Variants in METTL23 observed in about 807,000 individuals in gnomAD.
METTL23 encodes methyltransferase 23, arginine, also known as histone-arginine methyltransferase METTL23.
In METTL23, 24 loss-of-function variants were observed where a neutral mutation model predicts 21.2. The observed-to-expected ratio is 1.13, with a 90% confidence interval of 0.82 to 1.59. The LOEUF is 1.59. Among genes scored for constraint, METTL23 ranks in the 40% most tolerant of loss-of-function variants. The pLI is 0.00. For synonymous variants in METTL23, 97 were observed against 75.2 expected (o/e 1.29, Z -1.50); for missense variants, 276 against 221.4 (o/e 1.25, Z -1.57).
At chr17:76,727,259 G>A (rs956589579) in intron 1 of METTL23, 81 bp downstream of exon 1, 2 of 348,162 alleles carry the variant, frequency 5.7e-6, no homozygotes, top group East Asian at 7.8e-5. Context: ...CTGAGGGACC[G>A]GGGGTGCGGA....
intron 1 of METTL23, 90 bp downstream of exon 1, chr17:76,727,268 G>C: frequency 2.9e-6 from 1 of 348,036 alleles, no homozygotes; most frequent in Non-Finnish European, 5.7e-6. Flanking sequence ...CGGGGGTGCG[G>C]ACGCTCAGCT....
chr17:76,732,490 C>T (rs935535488), intron 2 of METTL23, among the ~76,000 whole-genome samples: 2 of 149,856 alleles, frequency 1.3e-5, no homozygotes, highest in South Asian at 2.1e-4. Context: ...AAGAGCCAAA[C>T]GCTCTCAAAA....
upstream of METTL23, chr17:76,726,533 T>C: frequency 6.5e-7 from 1 of 1,538,004 alleles, no homozygotes; most frequent in Non-Finnish European, 8.7e-7. Context: ...TTCCTGACAC[T>C]AACGCACCCC....
At chr17:76,726,686 C>T (rs1448250527), upstream of METTL23, 2 of 623,248 alleles carry the variant, frequency 3.2e-6, no homozygotes, top group Non-Finnish European at 5.4e-6. Context: ...CTTCCCCGCC[C>T]CGACGCCTCT....
chr17:76,731,309 G>A (rs1045082217), intron 2 of METTL23, among the ~76,000 whole-genome samples: 10 of 152,176 alleles, frequency 6.6e-5, no homozygotes, highest in Admixed American at 5.2e-4. Context: ...CAGTTCTGGA[G>A]GCAGTGAAGT....
rs942866808 is a variant in METTL23 at position 76,727,088 on chromosome 17, A to G, written c.-112A>G. 8.8e-6 allele frequency: 4 copies of G among 454,114 alleles called. No individual in the cohort carries two copies. Among genetic ancestry groups the G allele is most frequent in the African/African-American group, 8.0e-5 (4 of 49,850 alleles). The allele number at this position is 454,114 out of a possible 1,614,324, so 28.1% of individuals were successfully genotyped here. On this transcript the variant is annotated 5_prime_UTR_variant, in exon 1 of 5. Coordinates refer to ENST00000341249, the MANE Select transcript of METTL23 (RefSeq NM_001080510.5). Reference sequence around the variant, plus strand: ...CCCTACTGGGCGAGCACGATTTCCGAGGACAGGGGGTCCGGGCCCAGCGCT... The same window carrying G: ...CCCTACTGGGCGAGCACGATTTCCGGGGACAGGGGGTCCGGGCCCAGCGCT...
rs983948217 is a variant in METTL23, at chr17:76,726,913, C to G, written c.-287C>G. ...CTTTCGCCTTGCTCCGGGCTTTCTT[C>G]GCTCGCAGCGCGGCAGGGTTATCAC... On this transcript the variant is annotated 5_prime_UTR_variant, in exon 1 of 5. Transcript: ENST00000341249. 1 of 452,914 alleles carries G rather than the reference C, an allele frequency of 2.2e-6. No homozygotes were observed. Among genetic ancestry groups the G allele is most frequent in the African/African-American group, 2.0e-5 (1 of 49,966 alleles). The allele number at this position is 452,914 out of a possible 1,614,324, so 28.1% of individuals were successfully genotyped here.
chr17:76,730,554 C>T (rs1367565738), intron 2 of METTL23, among the ~76,000 whole-genome samples: 1 of 152,238 alleles, frequency 6.6e-6, no homozygotes, highest in Non-Finnish European at 1.5e-5. Context: ...AACTGCCTTC[C>T]ACGGCCGTGG....
At chr17:76,726,479 G>A, upstream of METTL23, 1 of 1,590,712 alleles carries the variant, frequency 6.3e-7, no homozygotes, top group Non-Finnish European at 8.6e-7. Flanking sequence ...GGTTCATTCT[G>A]CGGGGTCGCC....
intron 2 of METTL23, among the ~76,000 whole-genome samples, chr17:76,730,190 G>C: frequency 6.6e-6 from 1 of 151,990 alleles, no homozygotes; most frequent in East Asian, 1.9e-4. Context: ...TACTCGGGAG[G>C]CTGAAACAGA....
chr17:76,731,329 A>G (rs995739026), intron 2 of METTL23, among the ~76,000 whole-genome samples: 2 of 152,204 alleles, frequency 1.3e-5, no homozygotes, highest in African/African-American at 4.8e-5. Flanking sequence ...TCCCAGGATG[A>G]AAGTCCTTAC....
In METTL23 at chr17:76,726,874, G is replaced by T. The variant is rs764346925; in HGVS notation, c.-326G>T. 2.3e-6 allele frequency: 1 copy of T among 440,572 alleles called. No individual in the cohort carries two copies. The highest frequency in any genetic ancestry group is 1.6e-5 in the South Asian group (1 of 64,008). The allele number at this position is 440,572 out of a possible 1,614,324, so 27.3% of individuals were successfully genotyped here. The stretch of plus-strand genomic sequence containing the variant: ...GCGCCAGCCGCCCGTTGCCAGTTCT[G>T]CGCGTGTGAGTCTCTTTCGCCTTGC... On this transcript the variant is annotated 5_prime_UTR_variant, in exon 1 of 5. Coordinates refer to ENST00000341249, the MANE Select transcript of METTL23 (RefSeq NM_001080510.5).
intron 2 of METTL23, among the ~76,000 whole-genome samples, chr17:76,730,454 G>A (rs964812751): frequency 1.3e-5 from 2 of 152,028 alleles, no homozygotes; most frequent in African/African-American, 4.8e-5. Context: ...AAAGAAAAGT[G>A]TGACAGAGAT....
rs2077298117 is a variant in METTL23 at position 76,733,071 on chromosome 17, G to C, written c.178G>C (p.Glu60Gln). Residue 60 changes from glutamate to glutamine, a missense_variant, in exon 3 of 5, where the codon GAA becomes CAA. By Grantham distance (29) the Glu-to-Gln change is conservative. Transcript: ENST00000341249. ...CAGCTCAGAACTGCCTCACTGTCTG[G>C]AAGTCTGTCGGCAAAGCTGCCAAAT... ...SDSSELPHCLEVCRQSCQMNN... is the reference protein window; with the variant it reads ...SDSSELPHCLQVCRQSCQMNN... The C allele has an allele frequency of 1.2e-6, 2 of 1,608,554 alleles. No homozygotes were observed. Among genetic ancestry groups the C allele is most frequent in the African/African-American group, 1.3e-5 (1 of 74,882 alleles).
rs757923796 is a variant in METTL23, at chr17:76,733,654, C to G, written c.541C>G (p.Leu181Val). 1.2e-6 allele frequency: 2 copies of G among 1,613,614 alleles called. No individual in the cohort carries two copies. Among genetic ancestry groups the G allele is most frequent in the Non-Finnish European group, 1.7e-6 (2 of 1,179,778 alleles). ...TCCAGGAAGACATACAGTTGAAATG[C>G]TGGTCATTTCCTTTGCAAAGGACAG... ...TLPGRHTVEM[L>V]VISFAKDSL Residue 181 changes from leucine to valine, a missense_variant, in exon 5 of 5, where the codon CTG (leucine) becomes GTG (valine). By Grantham distance (32) the Leu-to-Val change is conservative (BLOSUM62 1). Transcript: ENST00000341249.
At chr17:76,731,650 G>A (rs2077212763) in intron 2 of METTL23, among the ~76,000 whole-genome samples, 1 of 152,212 alleles carries the variant, frequency 6.6e-6, no homozygotes. Flanking sequence ...TCAGACTGGT[G>A]AAGGCTTGGA....
chr17:76,733,016 CA>C lies in METTL23; in HGVS notation c.126del (p.Lys42AsnfsTer6), dbSNP rs2143866789. On this transcript the variant is annotated frameshift_variant, in exon 3 of 5. Transcript: ENST00000341249. LOFTEE classifies it high-confidence loss of function. ...TGAGCCTTCCAGGAATTTTGGCTGC[CA>C]AATGTGGTGCAGAAGTAATACTGTC... is the stretch of plus-strand genomic sequence containing the variant. ...GVSLPGILAA[K>X]CGAEVILSDS... 6.3e-7 allele frequency: 1 copy of C among 1,592,056 alleles called. No individual in the cohort carries two copies. Among genetic ancestry groups the C allele is most frequent in the Non-Finnish European group, 8.6e-7 (1 of 1,168,210 alleles).
chr17:76,728,419 T>G (rs1461695741), intron 1 of METTL23, among the ~76,000 whole-genome samples: 1 of 127,312 alleles, frequency 7.9e-6, no homozygotes, highest in Non-Finnish European at 1.6e-5. Context: ...CGGATTTTTT[T>G]TTTTTTTTTT....
Position 76,733,544 on chromosome 17 carries a change from T to C in METTL23, c.431T>C (p.Leu144Ser). Residue 144 changes from leucine (L) to serine (S), a missense_variant, in exon 5 of 5, where the codon TTA (leucine) becomes TCA (serine). By Grantham distance (145) the Leu-to-Ser change is moderately radical (BLOSUM62 -2). Transcript: ENST00000341249. ...AGTGCTGACTGGTCACTTGAAGCTT[T>C]ACTCTACAAATGGGATATGAAATGT... ...VRSADWSLEA[L>S]LYKWDMKCVH... The C allele has an allele frequency of 6.2e-7, 1 of 1,612,698 alleles. No individual in the cohort carries two copies. The highest frequency in any genetic ancestry group is 8.5e-7 in the Non-Finnish European group (1 of 1,179,394).
Sources: gnomAD v4.1 joint callset for allele counts (sites outside exome capture counted in the v4.1 genomes callset) on GRCh38, gnomAD v4.1.1 for gene constraint, MANE v1.5 for transcripts, NCBI Gene and HGNC (gene_info 2026-07-23, HGNC 2026-07-21) for gene names.